The following CRB1 variants were observed in gnomAD, a reference collection of about 807,000 sequenced individuals.
The protein encoded by CRB1 is protein crumbs homolog 1.
Under a neutral mutation model 120.0 loss-of-function variants are expected in CRB1, and 83 were observed. The ratio of observed to expected loss-of-function variants is 0.69; its 90% CI spans 0.58 to 0.83. The LOEUF is 0.83. CRB1 is among the 40% of genes least tolerant of loss of function. CRB1 has a pLI of 0.00. For missense variants in CRB1, 1,699 were observed against 1,687.6 expected (o/e 1.01, Z -0.12); for synonymous variants, 625 against 612.5 (o/e 1.02, Z -0.30).
the CRB1 span, among the ~76,000 whole-genome samples, chr1:197,211,027 G>A: frequency 2.6e-5 from 4 of 152,012 alleles, no homozygotes; most frequent in South Asian, 6.2e-4. Flanking sequence ...AATCATAAAC[G>A]GATGTTTTTC....
At chr1:197,448,201 G>T (rs1435301851) in intron 11 of CRB1, among the ~76,000 whole-genome samples, 1 of 151,930 alleles carries the variant, frequency 6.6e-6, no homozygotes, top group Non-Finnish European at 1.5e-5. Flanking sequence ...TTTTGTTTCT[G>T]GGGAATTTTA....
At chr1:197,312,452 A>G (rs911315989) in intron 1 of CRB1, among the ~76,000 whole-genome samples, 2 of 152,142 alleles carry the variant, frequency 1.3e-5, no homozygotes, top group Non-Finnish European at 2.9e-5. Flanking sequence ...GCGTGGTGGC[A>G]GGCACTTGTA....
chr1:197,363,952 G>A, intron 5 of CRB1: 1 of 1,337,738 alleles, frequency 7.5e-7, no homozygotes, highest in Non-Finnish European at 1.1e-6. Flanking sequence ...GCGGTATTAT[G>A]AGAAGCCATG....
chr1:197,453,887 TTAATATTA>T (rs1666131614), intron 11 of CRB1, among the ~76,000 whole-genome samples: 1 of 138,550 alleles, frequency 7.2e-6, no homozygotes, highest in African/African-American at 2.7e-5. Flanking sequence ...ATATATATTA[TTAATATTA>T]TTATATTATT....
At chr1:197,331,288 C>A (rs937420025) in intron 2 of CRB1, among the ~76,000 whole-genome samples, 13 of 152,290 alleles carry the variant, frequency 8.5e-5, no homozygotes, top group Middle Eastern at 6.8e-3. Context: ...GCACCCTTCC[C>A]CATCCTGAAA....
intron 5 of CRB1, among the ~76,000 whole-genome samples, chr1:197,373,782 G>A (rs946874255): frequency 6.6e-6 from 1 of 152,166 alleles, no homozygotes; most frequent in Non-Finnish European, 1.5e-5. Flanking sequence ...AGTGTGGAAT[G>A]TCCATTGAAT....
At chr1:197,268,149 A>T, upstream of CRB1, 3 of 440,746 alleles carry the variant, frequency 6.8e-6, no homozygotes, top group Non-Finnish European at 1.3e-5. Context: ...TTGAGGGGGG[A>T]ATGAATCCAA....
chr1:197,444,520 A>T (rs908111469), intron 11 of CRB1: 2 of 152,096 alleles, frequency 1.3e-5, no homozygotes, highest in African/African-American at 4.8e-5. Context: ...TTTCACATTT[A>T]CTCCCTTCTA....
chr1:197,424,795 T>C (rs1471209592), intron 6 of CRB1, among the ~76,000 whole-genome samples: 1 of 152,214 alleles, frequency 6.6e-6, no homozygotes, highest in African/African-American at 2.4e-5. Context: ...CATCTTGTTG[T>C]ATTCCATCAA....
the CRB1 span, among the ~76,000 whole-genome samples, chr1:197,226,920 G>A: frequency 6.6e-6 from 1 of 152,116 alleles, no homozygotes; most frequent in Non-Finnish European, 1.5e-5. Context: ...GATCTTGTGA[G>A]GCTTGTTCAC....
intron 1 of CRB1, among the ~76,000 whole-genome samples, chr1:197,295,746 CA>C (rs1440882701): frequency 2.6e-5 from 4 of 151,958 alleles, no homozygotes; most frequent in African/African-American, 9.7e-5. Context: ...TCAGACTGTA[CA>C]AGATTGTGAA....
At chr1:197,386,109 G>A (rs890496650) in intron 5 of CRB1, among the ~76,000 whole-genome samples, 1 of 151,932 alleles carries the variant, frequency 6.6e-6, no homozygotes, top group African/African-American at 2.4e-5. Context: ...CCCCAGTAGT[G>A]GGGGGTAAAA....
chr1:197,476,381 T>TGTGTGTGTGTGTGCGC (rs1667197753), intron 11 of CRB1, among the ~76,000 whole-genome samples: 2 of 139,352 alleles, frequency 1.4e-5, no homozygotes, highest in East Asian at 4.9e-4. Flanking sequence ...TGTGTGTGTG[T>TGTGTGTGTGTGTGCGC]GTGTGTGTGT....
Position 197,427,941 on chromosome 1 carries a change from A to G in CRB1, c.2616A>G (p.Ala872=). The change falls in exon 7 of 12, where the codon GCA becomes GCG. Residue 872 remains alanine, a synonymous_variant. Coordinates refer to ENST00000367400, the MANE Select transcript of CRB1 (RefSeq NM_201253.3). ...TCTTTCCAAATCCAACAAACAATGC[A>G]TCTCTCAATCCAGTTCTTGTCAATG... ...LEFFPNPTNN[A]SLNPVLVNVT... is the part of the protein sequence containing the mutation. 3.1e-6 allele frequency: 5 copies of G among 1,614,032 alleles called. No homozygotes were observed. In the South Asian group the frequency reaches 4.4e-5, roughly 14 times the overall value.
intron 7 of CRB1, among the ~76,000 whole-genome samples, chr1:197,428,422 G>A (rs1280766129): frequency 6.6e-6 from 1 of 152,208 alleles, no homozygotes; most frequent in Non-Finnish European, 1.5e-5. Context: ...GAAACAACAA[G>A]AGAAATCTGA....
chr1:197,461,103 T>C (rs1666510282), intron 11 of CRB1, among the ~76,000 whole-genome samples: 2 of 152,194 alleles, frequency 1.3e-5, no homozygotes, highest in African/African-American at 2.4e-5. Flanking sequence ...TTGTGTGTGT[T>C]TGGCTGGTAT....
chr1:197,346,754 G>A (rs984326872), intron 3 of CRB1, among the ~76,000 whole-genome samples: 4 of 152,096 alleles, frequency 2.6e-5, no homozygotes, highest in East Asian at 1.9e-4. Flanking sequence ...CAGTCATTCC[G>A]TTAATAATTA....
chr1:197,259,370 C>T, the CRB1 span, among the ~76,000 whole-genome samples: 1 of 152,218 alleles, frequency 6.6e-6, no homozygotes, highest in East Asian at 1.9e-4. Context: ...GAGATCATGT[C>T]CTTTGCAGGG....
At chr1:197,219,906 T>G in the CRB1 span, among the ~76,000 whole-genome samples, 26 of 152,360 alleles carry the variant, frequency 1.7e-4, no homozygotes, top group African/African-American at 6.3e-4. Flanking sequence ...GTCTTACATA[T>G]TTTCATCCTT....
Sources: gnomAD v4.1 joint callset for allele counts (sites outside exome capture counted in the v4.1 genomes callset) on GRCh38, gnomAD v4.1.1 for gene constraint, MANE v1.5 for transcripts, NCBI Gene and HGNC (gene_info 2026-07-23, HGNC 2026-07-21) for gene names.